SNCAIP: variants seen among roughly 807,000 people sequenced by gnomAD.
The protein encoded by SNCAIP is synphilin-1.
In SNCAIP, 43 loss-of-function variants were observed where a neutral mutation model predicts 86.7. The observed-to-expected ratio is 0.50, with a 90% CI of 0.39 to 0.64. The LOEUF (loss-of-function observed/expected upper bound fraction) is 0.64. SNCAIP is among the 30% of genes least tolerant of loss of function. SNCAIP has a pLI of 0.00. For missense variants in SNCAIP, 981 were observed against 1,103.1 expected (o/e 0.89, Z 1.57); for synonymous variants, 417 against 427.2 (o/e 0.98, Z 0.29).
intron 1 of SNCAIP, among the ~76,000 whole-genome samples, chr5:122,334,401 AT>A (rs1026323011): frequency 6.6e-6 from 1 of 152,170 alleles, no homozygotes; most frequent in Non-Finnish European, 1.5e-5. Context: ...CTTATACCAT[AT>A]TGCCTCTCTC....
At chr5:122,436,588 C>T (rs1779533073) in intron 6 of SNCAIP, 1 of 151,992 alleles carries the variant, frequency 6.6e-6, no homozygotes, top group African/African-American at 2.4e-5. Context: ...TAATTGCTGA[C>T]CTTTATTTTT....
At chr5:122,414,721 A>T (rs1774929730) in intron 3 of SNCAIP, among the ~76,000 whole-genome samples, 1 of 152,222 alleles carries the variant, frequency 6.6e-6, no homozygotes, top group Non-Finnish European at 1.5e-5. Flanking sequence ...TTTAGGGAAT[A>T]ATTTAATTTC....
Position 122,401,550 on chromosome 5 carries a change from C to T in SNCAIP, c.58-2243C>T, listed in dbSNP as rs73287519. Among the ~76,000 whole-genome samples, 221 of 152,272 alleles carry T rather than the reference C, an allele frequency of 1.5e-3. 1 individual carries two copies. The highest frequency in any genetic ancestry group is 5.0e-3 in the African/African-American group (209 of 41,556). ...AAAATTTTCCAAAACTTTAATTTTTCTGGATAAACTGTCATCTTTTTTAGA... is the reference window on the plus strand; with the variant it reads ...AAAATTTTCCAAAACTTTAATTTTTTTGGATAAACTGTCATCTTTTTTAGA... On this transcript the variant is annotated intron_variant, in intron 2 of 10. Coordinates refer to ENST00000261368, the MANE Select transcript of SNCAIP (RefSeq NM_005460.4).
intron 1 of SNCAIP, among the ~76,000 whole-genome samples, chr5:122,337,547 GT>G (rs1475154567): frequency 6.6e-6 from 1 of 151,086 alleles, no homozygotes; most frequent in Non-Finnish European, 1.5e-5. Context: ...TTGTTTGTTT[GT>G]TTGTTTTTGA....
At chr5:122,332,976 A>C (rs1400689751) in intron 1 of SNCAIP, among the ~76,000 whole-genome samples, 1 of 152,256 alleles carries the variant, frequency 6.6e-6, no homozygotes, top group Non-Finnish European at 1.5e-5. Flanking sequence ...ACTTTCTTCC[A>C]AAGCTATTTG....
At chr5:122,389,841 A>C (rs1390973555) in intron 1 of SNCAIP, 1 of 152,176 alleles carries the variant, frequency 6.6e-6, no homozygotes, top group Non-Finnish European at 1.5e-5. Context: ...GAGAGGAAAC[A>C]GGAAAATTAA....
At chr5:122,329,069 A>G (rs903522185) in intron 1 of SNCAIP, among the ~76,000 whole-genome samples, 36 of 152,158 alleles carry the variant, frequency 2.4e-4, no homozygotes, top group African/African-American at 7.5e-4. Flanking sequence ...AGGCTCCTCA[A>G]TGCCAGGCAC....
rs141406390 is a variant in SNCAIP at position 122,336,624 on chromosome 5, A to T, written c.-47+24340A>T. On this transcript the variant is annotated intron_variant, in intron 1 of 10. Coordinates refer to ENST00000261368, the MANE Select transcript of SNCAIP (RefSeq NM_005460.4). ...TTTTCATTGTTGTTGTTTCTGAGAC[A>T]GGGTCTTGCTCTGTCACCCAGACTG... 1.6e-3 allele frequency among the ~76,000 whole-genome samples: 240 copies of T among 152,302 alleles called. 1 individual carries two copies. The highest frequency in any genetic ancestry group is 5.5e-3 in the African/African-American group (228 of 41,562).
At chr5:122,350,087 T>C (rs1759453361) in intron 1 of SNCAIP, among the ~76,000 whole-genome samples, 1 of 152,232 alleles carries the variant, frequency 6.6e-6, no homozygotes, top group Admixed American at 6.5e-5. Context: ...CAAAGTTTCA[T>C]TTAACTGTAA....
intron 10 of SNCAIP, among the ~76,000 whole-genome samples, chr5:122,462,935 G>C (rs1786774148): frequency 6.6e-6 from 1 of 152,154 alleles, no homozygotes; most frequent in South Asian, 2.1e-4. Flanking sequence ...TTTTCCCGCA[G>C]ACTTAGCAGG....
At chr5:122,382,237 A>C (rs1231231844) in intron 1 of SNCAIP, among the ~76,000 whole-genome samples, 4 of 151,952 alleles carry the variant, frequency 2.6e-5, no homozygotes, top group Non-Finnish European at 4.4e-5. Flanking sequence ...GGCTTTGCTC[A>C]TTTCTTTTTA....
chr5:122,375,364 G>A (rs1168179029), intron 1 of SNCAIP, among the ~76,000 whole-genome samples: 1 of 151,874 alleles, frequency 6.6e-6, no homozygotes, highest in East Asian at 1.9e-4. Context: ...TCAGTTAGCT[G>A]GGTTAGCTCT....
At chr5:122,432,638 A>C (rs939943282) in intron 6 of SNCAIP, among the ~76,000 whole-genome samples, 1 of 152,184 alleles carries the variant, frequency 6.6e-6, no homozygotes, top group African/African-American at 2.4e-5. Flanking sequence ...TAATCAAGGC[A>C]GTCTCACTCA....
chr5:122,435,550 G>C (rs1389323002), intron 6 of SNCAIP, among the ~76,000 whole-genome samples: 1 of 152,128 alleles, frequency 6.6e-6, no homozygotes, highest in Non-Finnish European at 1.5e-5. Context: ...TTAGTCATGA[G>C]ATTCTTCTAC....
chr5:122,439,370 A>G (rs1001251490), intron 6 of SNCAIP, among the ~76,000 whole-genome samples: 3 of 152,188 alleles, frequency 2.0e-5, no homozygotes, highest in Non-Finnish European at 4.4e-5. Context: ...ATGCCTTCTT[A>G]GAAGGCTGTA....
chr5:122,354,951 TC>T (rs1760707331), intron 1 of SNCAIP, among the ~76,000 whole-genome samples: 1 of 152,212 alleles, frequency 6.6e-6, no homozygotes, highest in Non-Finnish European at 1.5e-5. Flanking sequence ...TAGGCATCAC[TC>T]CCAAATCTGC....
chr5:122,312,647 G>T (rs1451017181), intron 1 of SNCAIP: 1 of 152,436 alleles, frequency 6.6e-6, no homozygotes, highest in Non-Finnish European at 1.5e-5. Flanking sequence ...GGGATGGGCA[G>T]TTCCGCGGCT....
intron 1 of SNCAIP, among the ~76,000 whole-genome samples, chr5:122,348,511 G>C (rs1383612430): frequency 6.6e-6 from 1 of 152,054 alleles, no homozygotes; most frequent in Non-Finnish European, 1.5e-5. Context: ...TAATGTTTCT[G>C]TTCATCAGTT....
At chr5:122,377,158 C>A (rs1431797936) in intron 1 of SNCAIP, among the ~76,000 whole-genome samples, 1 of 152,194 alleles carries the variant, frequency 6.6e-6, no homozygotes, top group East Asian at 1.9e-4. Context: ...GAGAGGAAAG[C>A]TTTTTTCTCT....
Sources: gnomAD v4.1 joint callset for allele counts (sites outside exome capture counted in the v4.1 genomes callset) on GRCh38, gnomAD v4.1.1 for gene constraint, MANE v1.5 for transcripts, NCBI Gene and HGNC (gene_info 2026-07-23, HGNC 2026-07-21) for gene names.